MAPK8: variants seen among roughly 807,000 people sequenced by gnomAD.
MAPK8 encodes JUN N-terminal kinase.
A neutral mutation model predicts 52.9 loss-of-function variants in MAPK8; 13 were observed. That is an observed-to-expected ratio of 0.25 (90% confidence interval 0.16 to 0.39). The LOEUF (loss-of-function observed/expected upper bound fraction) is 0.39. Ranked by LOEUF, MAPK8 falls within the 10% of genes least tolerant of loss-of-function variation. The pLI is 1.00. For synonymous variants in MAPK8, 191 were observed against 169.8 expected (o/e 1.12, Z -0.97); for missense variants, 300 against 519.2 (o/e 0.58, Z 4.10).
At chr10:48,423,589 C>CT (rs1279857024) in intron 6 of MAPK8, among the ~76,000 whole-genome samples, 1 of 152,072 alleles carries the variant, frequency 6.6e-6, no homozygotes, top group Non-Finnish European at 1.5e-5. Context: ...TTTAGATTAA[C>CT]TTTTTTATCA....
intron 1 of MAPK8, among the ~76,000 whole-genome samples, chr10:48,324,981 T>C (rs1278425241): frequency 1.3e-5 from 2 of 150,926 alleles, no homozygotes; most frequent in East Asian, 1.9e-4. Context: ...AACCCTATCA[T>C]CCTTTTTTTT....
Position 48,404,992 on chromosome 10 carries a change from A to AT in MAPK8, c.252+16dup. ...GTTAATCACAAAAATGTAAGTGAAC[A>AT]TTTTTGGTTTCCTAAGTATAGATGA... is the stretch of plus-strand genomic sequence containing the variant. On this transcript the variant is annotated intron_variant, in intron 3 of 11. Coordinates refer to ENST00000374189, the MANE Select transcript of MAPK8 (RefSeq NM_001323329.2). 2 of 1,590,906 alleles carry AT rather than the reference A, an allele frequency of 1.3e-6. No individual in the cohort carries two copies. The highest frequency in any genetic ancestry group is 1.7e-6 in the Non-Finnish European group (2 of 1,169,942).
intron 1 of MAPK8, among the ~76,000 whole-genome samples, chr10:48,381,579 C>T (rs936108253): frequency 3.9e-5 from 6 of 151,992 alleles, no homozygotes; most frequent in Non-Finnish European, 7.4e-5. Context: ...TTCATGGTTT[C>T]GTAGAAAGAT....
intron 1 of MAPK8, among the ~76,000 whole-genome samples, chr10:48,361,916 A>G (rs1480095272): frequency 6.6e-6 from 1 of 152,148 alleles, no homozygotes; most frequent in Admixed American, 6.5e-5. Context: ...CTTGAGTTCT[A>G]GCTTCTTCCT....
At chr10:48,430,978 T>G in intron 10 of MAPK8, 2 of 572,676 alleles carry the variant, frequency 3.5e-6, no homozygotes. Context: ...ACAGGAAAGA[T>G]TAGTACTTCC....
intron 5 of MAPK8, among the ~76,000 whole-genome samples, chr10:48,416,952 G>A (rs549376613): frequency 6.6e-6 from 1 of 152,078 alleles, no homozygotes; most frequent in Admixed American, 6.6e-5. Context: ...TAAAAGATTG[G>A]GGCCCAAGGG....
At chr10:48,389,359 C>T (rs971139650) in intron 1 of MAPK8, among the ~76,000 whole-genome samples, 1 of 152,104 alleles carries the variant, frequency 6.6e-6, no homozygotes, top group African/African-American at 2.4e-5. Flanking sequence ...CCTCATAGTG[C>T]TCACTATGAG....
intron 1 of MAPK8, among the ~76,000 whole-genome samples, chr10:48,353,551 C>G (rs1846546686): frequency 6.6e-6 from 1 of 152,106 alleles, no homozygotes; most frequent in African/African-American, 2.4e-5. Context: ...AAACCTTGAC[C>G]TAAACCTTGT....
At chr10:48,375,790 T>C (rs2040622789) in intron 1 of MAPK8, among the ~76,000 whole-genome samples, 1 of 152,144 alleles carries the variant, frequency 6.6e-6, no homozygotes, top group Admixed American at 6.5e-5. Context: ...GAAGAATCAG[T>C]ATCATGAAAA....
At chr10:48,377,623 C>A (rs1029048217) in intron 1 of MAPK8, among the ~76,000 whole-genome samples, 1 of 152,088 alleles carries the variant, frequency 6.6e-6, no homozygotes, top group Admixed American at 6.6e-5. Flanking sequence ...AGAAGAGATA[C>A]GTTATTGCCC....
chr10:48,380,595 G>A (rs183176207), intron 1 of MAPK8, among the ~76,000 whole-genome samples: 17 of 152,096 alleles, frequency 1.1e-4, no homozygotes, highest in Middle Eastern at 3.4e-3. Context: ...TTAGCCGGGC[G>A]TGGTGGCATG....
intron 1 of MAPK8, among the ~76,000 whole-genome samples, chr10:48,326,462 C>T (rs1472101938): frequency 6.6e-6 from 1 of 152,060 alleles, no homozygotes; most frequent in Non-Finnish European, 1.5e-5. Flanking sequence ...CTACCCTAGT[C>T]CTGGGATCAG....
At chr10:48,326,869 T>C (rs1843573799) in intron 1 of MAPK8, among the ~76,000 whole-genome samples, 1 of 152,190 alleles carries the variant, frequency 6.6e-6, no homozygotes, top group Admixed American at 6.5e-5. Flanking sequence ...AATTCCAACA[T>C]AGGTCTTATA....
chr10:48,362,848 C>G (rs1321906361), intron 1 of MAPK8, among the ~76,000 whole-genome samples: 1 of 147,034 alleles, frequency 6.8e-6, no homozygotes, highest in African/African-American at 2.5e-5. Flanking sequence ...TCAAACAATT[C>G]TCCTGCCTCA....
intron 1 of MAPK8, among the ~76,000 whole-genome samples, chr10:48,346,300 CCTCA>C (rs1273252666): frequency 3.3e-5 from 5 of 152,172 alleles, no homozygotes; most frequent in African/African-American, 7.2e-5. Context: ...TTATGATAAT[CCTCA>C]CTCTATAATC....
chr10:48,328,752 T>A (rs1843787889), intron 1 of MAPK8, among the ~76,000 whole-genome samples: 1 of 152,232 alleles, frequency 6.6e-6, no homozygotes, highest in South Asian at 2.1e-4. Context: ...ATTTTCCTGT[T>A]CAATTTATAT....
Position 48,426,445 on chromosome 10 carries a change from G to T in MAPK8, c.937G>T (p.Asp313Tyr), listed in dbSNP as rs769203778. 1.2e-6 allele frequency: 2 copies of T among 1,611,838 alleles called. No individual in the cohort carries two copies. The highest frequency in any genetic ancestry group is 1.7e-6 in the Non-Finnish European group (2 of 1,179,116). ...AGATGCATCTAAAAGGATCTCTGTA[G>T]ATGAAGCTCTCCAACACCCGTACAT... ...VIDASKRISVDEALQHPYINV... is the reference protein window; with the variant it reads ...VIDASKRISVYEALQHPYINV... Residue 313 changes from aspartate (D) to tyrosine (Y), a missense_variant, in exon 9 of 12, where the codon GAT becomes TAT. Asp to Tyr is a radical substitution (Grantham distance 160). Transcript: ENST00000374189.
intron 1 of MAPK8, among the ~76,000 whole-genome samples, chr10:48,363,759 C>T (rs1719710376): frequency 6.6e-6 from 1 of 152,164 alleles, no homozygotes; most frequent in African/African-American, 2.4e-5. Context: ...GCTTGCTTTG[C>T]TTGTAGTTTC....
At chr10:48,349,216 G>A (rs867912909) in intron 1 of MAPK8, among the ~76,000 whole-genome samples, 2 of 151,898 alleles carry the variant, frequency 1.3e-5, no homozygotes, top group Admixed American at 1.3e-4. Context: ...CAGACAGATC[G>A]AGACAGAAAA....
Sources: gnomAD v4.1 joint callset for allele counts (sites outside exome capture counted in the v4.1 genomes callset) on GRCh38, gnomAD v4.1.1 for gene constraint, MANE v1.5 for transcripts, NCBI Gene and HGNC (gene_info 2026-07-23, HGNC 2026-07-21) for gene names.